CCDC178: variants seen among roughly 807,000 people sequenced by gnomAD.
CCDC178 encodes coiled-coil domain containing 178.
In CCDC178, 126 loss-of-function variants were observed where a neutral mutation model predicts 117.4. The observed-to-expected ratio is 1.07, with a 90% confidence interval of 0.93 to 1.24. CCDC178 has a LOEUF of 1.24. CCDC178 is among the 50% of genes most tolerant of loss of function. The pLI, the probability that CCDC178 is intolerant of heterozygous loss-of-function variation, is 0.00. For synonymous variants in CCDC178, 283 were observed against 313.4 expected, an observed-to-expected ratio of 0.90 and a Z score of 1.02; for missense variants, 1,030 against 986.9, an observed-to-expected ratio of 1.04 and a Z score of -0.59.
At chr18:33,423,280 T>C (rs916586353) in intron 2 of CCDC178, among the ~76,000 whole-genome samples, 1 of 152,182 alleles carries the variant, frequency 6.6e-6, no homozygotes, top group African/African-American at 2.4e-5. Flanking sequence ...ATGATTTCAG[T>C]ATATTTTTAC....
chr18:33,418,669 A>C (rs1199083272), intron 2 of CCDC178, among the ~76,000 whole-genome samples: 1 of 152,198 alleles, frequency 6.6e-6, no homozygotes. Flanking sequence ...TCAATGGATA[A>C]AAATCAGTAG....
chr18:33,187,840 T>C (rs2058815102), intron 20 of CCDC178, among the ~76,000 whole-genome samples: 1 of 152,118 alleles, frequency 6.6e-6, no homozygotes, highest in African/African-American at 2.4e-5. Flanking sequence ...TGCTAGAACT[T>C]CCTTGGTATG....
At chr18:33,422,226 T>C (rs1324004937) in intron 2 of CCDC178, among the ~76,000 whole-genome samples, 1 of 152,176 alleles carries the variant, frequency 6.6e-6, no homozygotes, top group East Asian at 1.9e-4. Context: ...AGCCACACAT[T>C]CTTTTCTTTT....
intron 21 of CCDC178, among the ~76,000 whole-genome samples, chr18:33,034,172 T>C (rs1018998439): frequency 3.3e-5 from 5 of 152,022 alleles, no homozygotes; most frequent in African/African-American, 9.7e-5. Context: ...CTTTTACCTC[T>C]GAATTATGTC....
intron 12 of CCDC178, among the ~76,000 whole-genome samples, chr18:33,285,145 A>G (rs1357377964): frequency 6.6e-6 from 1 of 152,092 alleles, no homozygotes; most frequent in East Asian, 1.9e-4. Flanking sequence ...AAAAGTGAAA[A>G]TACGTATACA....
In CCDC178 at chr18:33,223,121, T is replaced by A; in HGVS notation, c.1917A>T (p.Ala639=). 1 of 1,599,982 alleles carries A rather than the reference T, an allele frequency of 6.3e-7. No individual in the cohort carries two copies. The highest frequency in any genetic ancestry group is 8.5e-7 in the Non-Finnish European group (1 of 1,170,816). ...LRKKGKKTLD[A]LIETESKRSA... ...AAATTCTTACCTCAGTTTCTATTAA[T>A]GCATCAAGGGTTTTCTTCCCCTTTT... Residue 639 remains alanine (A), a synonymous_variant, in exon 18 of 23, where the codon GCA becomes GCT. Transcript: ENST00000383096.
chr18:33,076,554 T>TA (rs1481004461), intron 21 of CCDC178, among the ~76,000 whole-genome samples: 1 of 152,252 alleles, frequency 6.6e-6, no homozygotes, highest in Non-Finnish European at 1.5e-5. Flanking sequence ...CTCCTCTTTG[T>TA]GTGATATATT....
intron 22 of CCDC178, among the ~76,000 whole-genome samples, chr18:32,967,818 G>T (rs184830582): frequency 6.9e-6 from 1 of 144,728 alleles, no homozygotes; most frequent in African/African-American, 2.5e-5. Flanking sequence ...TTTTATATTG[G>T]TCTAATTTAA....
chr18:33,356,731 C>T (rs181183794), intron 6 of CCDC178, among the ~76,000 whole-genome samples: 11 of 152,232 alleles, frequency 7.2e-5, no homozygotes, highest in Non-Finnish European at 1.2e-4. Flanking sequence ...ACCAAATTCC[C>T]ACCTGATTCT....
intron 21 of CCDC178, among the ~76,000 whole-genome samples, chr18:33,085,354 G>C (rs891671390): frequency 6.6e-6 from 1 of 152,254 alleles, no homozygotes; most frequent in African/African-American, 2.4e-5. Flanking sequence ...ACGAGGTCAG[G>C]GGATCGAGAC....
intron 20 of CCDC178, among the ~76,000 whole-genome samples, chr18:33,114,007 G>A (rs905955942): frequency 1.3e-5 from 2 of 151,972 alleles, no homozygotes; most frequent in African/African-American, 4.8e-5. Context: ...CTATTTGGTA[G>A]TTTACACAGG....
At chr18:33,397,928 A>C (rs1568201198) in intron 3 of CCDC178, among the ~76,000 whole-genome samples, 1 of 152,154 alleles carries the variant, frequency 6.6e-6, no homozygotes, top group African/African-American at 2.4e-5. Flanking sequence ...TAGAACATAA[A>C]AAAAGTTTAA....
intron 2 of CCDC178, among the ~76,000 whole-genome samples, chr18:33,439,543 G>T (rs1164549176): frequency 1.3e-5 from 2 of 152,178 alleles, no homozygotes; most frequent in Non-Finnish European, 2.9e-5. Context: ...GTTTCTGTAC[G>T]AATGTCTAAA....
chr18:33,290,187 C>T (rs915967928), intron 12 of CCDC178, among the ~76,000 whole-genome samples: 1 of 151,902 alleles, frequency 6.6e-6, no homozygotes, highest in Non-Finnish European at 1.5e-5. Flanking sequence ...AATTGTATGC[C>T]CAAACCAGAG....
chr18:32,955,682 G>A (rs1432731850), intron 22 of CCDC178, among the ~76,000 whole-genome samples: 1 of 151,928 alleles, frequency 6.6e-6, no homozygotes, highest in Non-Finnish European at 1.5e-5. Flanking sequence ...ACATATTCAG[G>A]ATTTTTAGAA....
chr18:33,268,089 T>C (rs991145310), intron 12 of CCDC178, among the ~76,000 whole-genome samples: 5 of 151,800 alleles, frequency 3.3e-5, no homozygotes, highest in Admixed American at 6.6e-5. Context: ...ATGTGTGTTC[T>C]CCCAACATTA....
chr18:33,313,556 A>AT (rs2062371710), intron 11 of CCDC178, among the ~76,000 whole-genome samples: 2 of 152,106 alleles, frequency 1.3e-5, no homozygotes, highest in Admixed American at 6.5e-5. Context: ...ATTGCAGGCC[A>AT]TTTTTTTAAA....
chr18:33,394,950 T>C (rs1278811401), intron 4 of CCDC178, among the ~76,000 whole-genome samples: 2 of 78,532 alleles, frequency 2.5e-5, no homozygotes, highest in Admixed American at 1.2e-4. Flanking sequence ...TGTGTATATA[T>C]ATATATATAT....
chr18:33,154,325 G>A (rs746552643), intron 20 of CCDC178, among the ~76,000 whole-genome samples: 9 of 151,924 alleles, frequency 5.9e-5, no homozygotes, highest in Non-Finnish European at 1.5e-5. Context: ...GTCTGGAGTC[G>A]GTATAATGTC....
Sources: allele counts gnomAD v4.1 joint callset (sites outside exome capture counted in the v4.1 genomes callset), GRCh38; gene constraint gnomAD v4.1.1; transcripts MANE v1.5; gene names NCBI Gene and HGNC (gene_info 2026-07-23, HGNC 2026-07-21).